The following CNTRL variants were observed in gnomAD, a reference collection of about 807,000 sequenced individuals.
CNTRL encodes the protein 110 kDa centrosomal protein.
A neutral mutation model predicts 303.7 loss-of-function variants in CNTRL; 233 were observed. That is an observed-to-expected ratio of 0.77 (90% CI 0.69 to 0.86). The LOEUF (loss-of-function observed/expected upper bound fraction) is 0.86. Among genes scored for constraint, CNTRL ranks in the 40% least tolerant of loss-of-function variants. CNTRL has a pLI of 0.00. For missense variants in CNTRL, 2,524 were observed against 2,650.6 expected (o/e 0.95, Z 1.05); for synonymous variants, 900 against 922.2 (o/e 0.98, Z 0.44).
chr9:121,083,986 C>A (rs1393352374), intron 2 of CNTRL, among the ~76,000 whole-genome samples: 1 of 152,128 alleles, frequency 6.6e-6, no homozygotes, highest in African/African-American at 2.4e-5. Flanking sequence ...TTCCACTATC[C>A]CTTTCTAATA....
chr9:121,079,563 G>C (rs1210772993), intron 1 of CNTRL, among the ~76,000 whole-genome samples: 2 of 152,126 alleles, frequency 1.3e-5, no homozygotes, highest in Non-Finnish European at 2.9e-5. Context: ...GCTATCAAAA[G>C]TGTCTTGGAT....
Position 121,088,358 on chromosome 9 carries a change from C to T in CNTRL, c.32C>T (p.Ser11Phe). 6.2e-7 allele frequency: 1 copy of T among 1,613,322 alleles called. No individual in the cohort carries two copies. Among genetic ancestry groups the T allele is most frequent in the South Asian group, 1.1e-5 (1 of 91,036 alleles). MKKGSQQKIFSKAKIPSSSHS... is the reference protein window; with the variant it reads MKKGSQQKIFFKAKIPSSSHS... ...AAAGGTTCTCAACAAAAAATATTCTCCAAAGCAAAGATACCATCATCATCT... is the reference window on the plus strand; with the variant it reads ...AAAGGTTCTCAACAAAAAATATTCTTCAAAGCAAAGATACCATCATCATCT... Residue 11 changes from serine (S) to phenylalanine (F), a missense_variant, in exon 3 of 44, where the codon TCC (serine) becomes TTC (phenylalanine). Coordinates refer to ENST00000373855, the MANE Select transcript of CNTRL (RefSeq NM_007018.6).
At position 121,094,897 on chromosome 9, in the gene CNTRL, A is replaced by G. The variant is rs2048824799; in HGVS notation, c.358A>G (p.Asn120Asp). The change falls in exon 5 of 44, where the codon AAT becomes GAT. Residue 120 changes from asparagine to aspartate, a missense_variant. Physicochemically the swap from Asn to Asp is conservative, Grantham distance 23. Transcript: ENST00000373855. ...DGGKKFKYIE[N>D]LEKCVKLEVL... ...ATTTGTTTCCAATTAGTATATTGAGAATTTGGAAAAATGTGTTAAACTTGA... is the reference window on the plus strand; with the variant it reads ...ATTTGTTTCCAATTAGTATATTGAGGATTTGGAAAAATGTGTTAAACTTGA... 2.6e-6 allele frequency: 4 copies of G among 1,564,374 alleles called. No homozygotes were observed. Among genetic ancestry groups the G allele is most frequent in the Non-Finnish European group, 3.5e-6 (4 of 1,146,972 alleles).
intron 12 of CNTRL, among the ~76,000 whole-genome samples, chr9:121,120,120 GTT>G (rs137879836): frequency 6.7e-6 from 1 of 148,440 alleles, no homozygotes; most frequent in African/African-American, 2.5e-5. Flanking sequence ...AATAATAGGG[GTT>G]TTTTTTTTAA....
chr9:121,087,738 C>G (rs1365054512), intron 2 of CNTRL, among the ~76,000 whole-genome samples: 1 of 151,946 alleles, frequency 6.6e-6, no homozygotes, highest in African/African-American at 2.4e-5. Flanking sequence ...CATTGGGAAC[C>G]ATGGGTGTGC....
intron 7 of CNTRL, among the ~76,000 whole-genome samples, chr9:121,101,092 C>A (rs1007983899): frequency 1.3e-5 from 2 of 152,206 alleles, no homozygotes; most frequent in African/African-American, 4.8e-5. Context: ...ATCAACAGAA[C>A]ATACATTCTT....
chr9:121,156,215 A>G (rs944344024), intron 27 of CNTRL, among the ~76,000 whole-genome samples: 6 of 151,990 alleles, frequency 3.9e-5, no homozygotes, highest in Non-Finnish European at 8.8e-5. Context: ...ATAGGTATAG[A>G]TATATAAAAT....
intron 36 of CNTRL, among the ~76,000 whole-genome samples, 183 bp from the exon 37 acceptor site, chr9:121,167,306 C>CAAAAAAA: frequency 6.7e-6 from 1 of 148,948 alleles, no homozygotes; most frequent in Non-Finnish European, 1.5e-5. Context: ...GCAAGACTGT[C>CAAAAAAA]AAAAAAAAAA....
rs369768072 is a variant in CNTRL at position 121,148,754 on chromosome 9, G to A, written c.3542G>A (p.Arg1181His). ...YSASTPVRKP[R>H]PGQQDGKEGS... is the part of the protein sequence containing the mutation. ...GCCTCAACTCCTGTTAGAAAACCAC[G>A]CCCTGGGCAGCAGGATGGGAAGGAA... Residue 1181 changes from arginine (R) to histidine (H), a missense_variant, in exon 24 of 44, where the codon CGC (arginine) becomes CAC (histidine). Transcript: ENST00000373855. 32 of 1,614,080 alleles carry A rather than the reference G, an allele frequency of 2.0e-5. No homozygotes were observed. The highest frequency in any genetic ancestry group is 1.5e-4 in the South Asian group (14 of 91,074).
chr9:121,096,286 C>T (rs1053814720), intron 5 of CNTRL, 136 bp from the exon 6 acceptor site: 48 of 604,822 alleles, frequency 7.9e-5, no homozygotes, highest in Non-Finnish European at 1.1e-4. Context: ...TCTTTGTTCT[C>T]ATTTATGAAA....
chr9:121,101,258 G>T (rs534080695), intron 7 of CNTRL, among the ~76,000 whole-genome samples: 1 of 152,136 alleles, frequency 6.6e-6, no homozygotes, highest in South Asian at 2.1e-4. Context: ...ACTCAAAACC[G>T]CTCAACTACA....
At chr9:121,100,477 A>G (rs1241889925) in intron 7 of CNTRL, among the ~76,000 whole-genome samples, 1 of 152,252 alleles carries the variant, frequency 6.6e-6, no homozygotes, top group Non-Finnish European at 1.5e-5. Context: ...AAGACCATCA[A>G]TGCAAGGAAG....
intron 19 of CNTRL, among the ~76,000 whole-genome samples, chr9:121,142,942 T>C (rs2051604993): frequency 6.6e-6 from 1 of 152,108 alleles, no homozygotes; most frequent in Non-Finnish European, 1.5e-5. Flanking sequence ...TATCCTCAAG[T>C]TCCTTGCCCT....
At position 121,175,237 on chromosome 9, in the gene CNTRL, T is replaced by A. The variant is rs774344755; in HGVS notation, c.6954+13T>A. 5.0e-6 allele frequency: 8 copies of A among 1,612,464 alleles called. No homozygotes were observed. The African/African-American group carries it at 9.3e-5, about 19-fold the overall frequency. The stretch of plus-strand genomic sequence containing the variant: ...TGGACAAAATCAGGTAAGCAGCAGC[T>A]CTTTTTAAAAACAAAACAATAGCCT... On this transcript the variant is annotated intron_variant, in intron 43 of 43. Coordinates refer to ENST00000373855, the MANE Select transcript of CNTRL (RefSeq NM_007018.6).
rs1485670590 is a variant in CNTRL, at chr9:121,177,603, A to T, written c.*417A>T. On this transcript the variant is annotated 3_prime_UTR_variant, in exon 44 of 44. Transcript: ENST00000373855. ...ATTTTTCATATGAAAATAAAAGATAACAATCAACTTGGGTCTGTCCTCTGA... is the reference window on the plus strand; with the variant it reads ...ATTTTTCATATGAAAATAAAAGATATCAATCAACTTGGGTCTGTCCTCTGA... 1.0e-5 allele frequency: 2 copies of T among 193,490 alleles called. No individual in the cohort carries two copies. The highest frequency in any genetic ancestry group is 2.1e-5 in the Non-Finnish European group (2 of 93,682). 12.0% of individuals were successfully genotyped at this position (193,490 alleles called of 1,614,324 possible).
Position 121,112,491 on chromosome 9 carries a change from A to G in CNTRL, c.1035A>G (p.Ala345=), listed in dbSNP as rs1158804719. 1.9e-6 allele frequency: 3 copies of G among 1,613,008 alleles called. No individual in the cohort carries two copies. The highest frequency in any genetic ancestry group is 1.3e-5 in the African/African-American group (1 of 74,874). Reference sequence around the variant, plus strand: ...AGAAGACCATAGAATTAACACGAGCATGTCAGAAGCAATATGAGCTGGAAC... The same window carrying G: ...AGAAGACCATAGAATTAACACGAGCGTGTCAGAAGCAATATGAGCTGGAAC... ...LKQKTIELTR[A]CQKQYELEQE... is the part of the protein sequence containing the mutation. Residue 345 remains alanine, a synonymous_variant, in exon 9 of 44, where the codon GCA becomes GCG. Coordinates refer to ENST00000373855, the MANE Select transcript of CNTRL (RefSeq NM_007018.6).
intron 8 of CNTRL, 48 bp downstream of exon 8, chr9:121,108,043 TA>T (rs1315658848): frequency 1.5e-6 from 2 of 1,318,956 alleles, no homozygotes; most frequent in South Asian, 3.2e-5. Flanking sequence ...ATAAGACAGA[TA>T]ATTCTTTGCC....
In CNTRL at chr9:121,145,527, T is replaced by C. The variant is rs901376548; in HGVS notation, c.3310+142T>C. The C allele has an allele frequency of 1.5e-5, 13 of 842,024 alleles. 1 individual carries two copies. In the South Asian group the frequency reaches 2.5e-4, roughly 16 times the overall value. The allele number at this position is 842,024 out of a possible 1,614,324, so 52.2% of individuals were successfully genotyped here. A position where few individuals can be genotyped will look rare whatever the true frequency, so the allele number is the denominator to read the frequency against. On this transcript the variant is annotated intron_variant, in intron 22 of 43. Transcript: ENST00000373855. ...GTGGTAATTAGCTTAATAAGTAAAA[T>C]AAAATAAATCAGATAATTTTAAGAG...
chr9:121,094,775 G>T (rs958738788), intron 4 of CNTRL, 113 bp from the exon 5 acceptor site: 2 of 720,592 alleles, frequency 2.8e-6, no homozygotes, highest in Non-Finnish European at 2.3e-6. Flanking sequence ...AGCAGTAAGG[G>T]TATATTATTT....
Sources: allele counts gnomAD v4.1 joint callset (sites outside exome capture counted in the v4.1 genomes callset), GRCh38; gene constraint gnomAD v4.1.1; transcripts MANE v1.5; gene names NCBI Gene and HGNC (gene_info 2026-07-23, HGNC 2026-07-21).